The following PCDHGB4 variants were observed in gnomAD, a reference collection of about 807,000 sequenced individuals.
PCDHGB4 encodes the protein protocadherin gamma-B4.
PCDHGB4 carries 38 observed loss-of-function variants against 60.5 expected under a neutral mutation model. The observed-to-expected ratio is 0.63, with a 90% CI of 0.48 to 0.82. The LOEUF is 0.82. Among genes scored for constraint, PCDHGB4 ranks in the 40% least tolerant of loss-of-function variants. PCDHGB4 has a pLI of 0.00. For missense variants in PCDHGB4, 1,109 were observed against 1,209.6 expected, an observed-to-expected ratio of 0.92 and a Z score of 1.23; for synonymous variants, 456 against 509.7, an observed-to-expected ratio of 0.89 and a Z score of 1.42.
At chr5:141,420,713 G>T (rs1406572601) in intron 1 of PCDHGB4, among the ~76,000 whole-genome samples, 1 of 152,078 alleles carries the variant, frequency 6.6e-6, no homozygotes, top group African/African-American at 2.4e-5. Flanking sequence ...CAGAAATGTC[G>T]TTCCTTTCAG....
Position 141,491,401 on chromosome 5 carries a change from G to T in PCDHGB4, c.2398-3406G>T, listed in dbSNP as rs1442005704. ...GTCAGCGAAGTGCCTTCAGGGAAAC[G>T]CAGACGGGGACGGGGGTGGAGGGCA... On this transcript the variant is annotated intron_variant, in intron 1 of 3. Coordinates refer to ENST00000519479, the MANE Select transcript of PCDHGB4 (RefSeq NM_003736.4). The surrounding 1 kb of genome is among the most constrained non-coding windows in gnomAD (Gnocchi z 6.9). 1.2e-6 allele frequency: 2 copies of T among 1,614,102 alleles called. No homozygotes were observed. Among genetic ancestry groups the T allele is most frequent in the Non-Finnish European group, 1.7e-6 (2 of 1,179,990 alleles).
intron 1 of PCDHGB4, among the ~76,000 whole-genome samples, chr5:141,457,938 G>A (rs915640623): frequency 6.6e-6 from 1 of 152,160 alleles, no homozygotes; most frequent in African/African-American, 2.4e-5. Flanking sequence ...GCTTTTATTG[G>A]CTCTGCATGT....
rs1047637676 is a variant in PCDHGB4, at chr5:141,449,606, A to G, written c.2398-45201A>G. The stretch of plus-strand genomic sequence containing the variant: ...TCTGTCTCAAAAAAAAAAAAAAAAA[A>G]AGTAAAAAAGTTTTTTAAAAAGATG... On this transcript the variant is annotated intron_variant, in intron 1 of 3. Transcript: ENST00000519479. 3.9e-3 allele frequency among the ~76,000 whole-genome samples: 591 copies of G among 150,802 alleles called. 2 individuals carry two copies. The highest frequency in any genetic ancestry group is 0.01 in the Middle Eastern group (3 of 290).
intron 1 of PCDHGB4, chr5:141,421,627 T>C: frequency 6.2e-7 from 1 of 1,613,846 alleles, no homozygotes; most frequent in Non-Finnish European, 8.5e-7. Context: ...CGCCCCCAGC[T>C]TCCAGGAGGA....
intron 1 of PCDHGB4, chr5:141,405,033 T>C (rs753061273): frequency 6.8e-6 from 11 of 1,613,844 alleles, no homozygotes; most frequent in Admixed American, 1.7e-5. Context: ...CTCTACCTCG[T>C]TGTGGCTGTG....
Position 141,485,220 on chromosome 5 carries a change from C to T in PCDHGB4, c.2398-9587C>T. The T allele has an allele frequency of 6.2e-7, 1 of 1,614,192 alleles. No homozygotes were observed. The highest frequency in any genetic ancestry group is 8.5e-7 in the Non-Finnish European group (1 of 1,180,024). On this transcript the variant is annotated intron_variant, in intron 1 of 3. Transcript: ENST00000519479. This position sits in a 1 kb window ranked among gnomAD's most constrained non-coding sequence, Gnocchi z 5.7. ...TGGACAGAAATCTGGCGGTGGGCTA[C>T]CCTTTTGTTCCTCTTTTACCACCTG... is the stretch of plus-strand genomic sequence containing the variant.
chr5:141,492,460 G>T (rs2099740851), intron 1 of PCDHGB4, among the ~76,000 whole-genome samples: 1 of 152,218 alleles, frequency 6.6e-6, no homozygotes, highest in African/African-American at 2.4e-5. Flanking sequence ...GCGCGCCTGA[G>T]GGTCCCAGAT....
intron 1 of PCDHGB4, among the ~76,000 whole-genome samples, chr5:141,437,980 C>T (rs1198278358): frequency 1.3e-5 from 2 of 152,050 alleles, no homozygotes; most frequent in Non-Finnish European, 2.9e-5. Flanking sequence ...TTGGGATGCA[C>T]CCACCCCACC....
rs1561626191 is a variant in PCDHGB4, at chr5:141,389,562, G to T, written c.1678G>T (p.Val560Leu). ...CGACCGCAACGACAATGCGCCACGG[G>T]TGCTGTACCCCGCGCTGGGTCCCGA... Reference protein sequence around the residue: ...VDDRNDNAPRVLYPALGPDGS... With the variant: ...VDDRNDNAPRLLYPALGPDGS... The change falls in exon 1 of 4, where the codon GTG (valine) becomes TTG (leucine). Residue 560 changes from valine to leucine, a missense_variant. By Grantham distance (32) the Val-to-Leu change is conservative (BLOSUM62 1). This residue lies in a region of PCDHGB4 where 1,068 missense variants were observed against 1,089.9 expected (regional missense o/e 0.98). Coordinates refer to ENST00000519479, the MANE Select transcript of PCDHGB4 (RefSeq NM_003736.4). The T allele has an allele frequency of 1.2e-6, 2 of 1,613,284 alleles. No individual in the cohort carries two copies. The highest frequency in any genetic ancestry group is 1.7e-6 in the Non-Finnish European group (2 of 1,179,776).
At position 141,432,942 on chromosome 5, in the gene PCDHGB4, C is replaced by G. The variant is rs1346694514; in HGVS notation, c.2397+42661C>G. ...CACAAGTCACGCCTGCTGCAGGCTT[C>G]AGGAGGCGGCTTGACAGGAGCGCCG... On this transcript the variant is annotated intron_variant, in intron 1 of 3. Coordinates refer to ENST00000519479, the MANE Select transcript of PCDHGB4 (RefSeq NM_003736.4). The surrounding 1 kb of genome is among the most constrained non-coding windows in gnomAD (Gnocchi z 6.0). The G allele has an allele frequency of 1.2e-6, 2 of 1,614,190 alleles. No individual in the cohort carries two copies. Among genetic ancestry groups the G allele is most frequent in the Non-Finnish European group, 1.7e-6 (2 of 1,180,036 alleles).
chr5:141,491,956 A>G lies in PCDHGB4; in HGVS notation c.2398-2851A>G, dbSNP rs2099735623. 1.9e-6 allele frequency: 2 copies of G among 1,035,704 alleles called. No homozygotes were observed. Among genetic ancestry groups the G allele is most frequent in the Non-Finnish European group, 2.7e-6 (2 of 749,368 alleles). The allele number at this position is 1,035,704 out of a possible 1,614,324, so 64.2% of individuals were successfully genotyped here. A position where few individuals can be genotyped will look rare whatever the true frequency, so the allele number is the denominator to read the frequency against. On this transcript the variant is annotated intron_variant, in intron 1 of 3. Transcript: ENST00000519479. This position sits in a 1 kb window ranked among gnomAD's most constrained non-coding sequence, Gnocchi z 6.9. Reference sequence around the variant, plus strand: ...GGACCGACCCCCACCCCTACACTCAAAAAAGGCCGGGGCCTCCTTCGAGCT... The same window carrying G: ...GGACCGACCCCCACCCCTACACTCAGAAAAGGCCGGGGCCTCCTTCGAGCT...
intron 1 of PCDHGB4, chr5:141,440,995 C>G (rs1425894086): frequency 6.6e-6 from 1 of 152,154 alleles, no homozygotes; most frequent in Non-Finnish European, 1.5e-5. Context: ...GTACCCATAT[C>G]TAGTTTGGCC....
intron 1 of PCDHGB4, chr5:141,414,747 C>T (rs556012378): frequency 6.2e-7 from 1 of 1,614,214 alleles, no homozygotes; most frequent in African/African-American, 1.3e-5. Flanking sequence ...TCAGATCCTT[C>T]GACTATGAGC....
chr5:141,407,977 G>A (rs943554200), intron 1 of PCDHGB4: 7 of 747,538 alleles, frequency 9.4e-6, no homozygotes, highest in African/African-American at 8.8e-5. Context: ...TGACGCCGGG[G>A]ATCCGTCAGC....
chr5:141,389,681 C>T lies in PCDHGB4; in HGVS notation c.1797C>T (p.Asn599=), dbSNP rs1172050771. ...VVAVDADSGH[N]AWLSYHVLQA... ...CGGTGGACGCAGACTCAGGACACAA[C>T]GCCTGGCTGTCCTACCACGTGCTGC... is the stretch of plus-strand genomic sequence containing the variant. The change falls in exon 1 of 4, where the codon AAC becomes AAT. Residue 599 remains asparagine (N), a synonymous_variant. Transcript: ENST00000519479. 1.2e-6 allele frequency: 2 copies of T among 1,612,438 alleles called. No homozygotes were observed. The highest frequency in any genetic ancestry group is 1.1e-5 in the South Asian group (1 of 91,042).
chr5:141,433,048 G>T (rs777523454), intron 1 of PCDHGB4: 20 of 1,614,142 alleles, frequency 1.2e-5, no homozygotes, highest in Non-Finnish European at 1.5e-5. Flanking sequence ...CCACGGACTC[G>T]CGGAAGAGTC....
chr5:141,417,771 C>G, intron 1 of PCDHGB4: 1 of 1,456,488 alleles, frequency 6.9e-7, no homozygotes, highest in Non-Finnish European at 9.1e-7. Flanking sequence ...CGGGACTCCT[C>G]CTGTCCTGGG....
intron 1 of PCDHGB4, chr5:141,408,869 A>G (rs754873472): frequency 1.9e-6 from 3 of 1,613,572 alleles, no homozygotes; most frequent in African/African-American, 2.7e-5. Flanking sequence ...CCCACCAAGA[A>G]GTGCCACCGC....
In PCDHGB4 at chr5:141,417,713, C is replaced by T. The variant is rs905298887; in HGVS notation, c.2397+27432C>T. 1.3e-4 allele frequency: 160 copies of T among 1,271,624 alleles called. No homozygotes were observed. In the Admixed American group the frequency reaches 4.6e-3, roughly 37 times the overall value. The allele number at this position is 1,271,624 out of a possible 1,614,324, so 78.8% of individuals were successfully genotyped here. On this transcript the variant is annotated intron_variant, in intron 1 of 3. Transcript: ENST00000519479. ...AAACCAGCTCCCACACAGAGGCTCC[C>T]GGCTGCGCAGACCTTGCCCAGCACA... is the stretch of plus-strand genomic sequence containing the variant.
Sources: gnomAD v4.1 joint callset for allele counts (sites outside exome capture counted in the v4.1 genomes callset) on GRCh38, gnomAD v4.1.1 for gene constraint, gnomAD v4.1.1 regional missense constraint, Gnocchi (gnomAD v3.1) non-coding constraint, MANE v1.5 for transcripts, NCBI Gene and HGNC (gene_info 2026-07-23, HGNC 2026-07-21) for gene names.